DENND5B: variants seen among roughly 807,000 people sequenced by gnomAD.
DENND5B encodes the protein DENN domain containing 5B.
DENND5B carries 34 observed loss-of-function variants against 140.6 expected under a neutral mutation model. That is an observed-to-expected ratio of 0.24 (90% confidence interval 0.18 to 0.32). The LOEUF is 0.32. Ranked by LOEUF, DENND5B falls within the 10% of genes least tolerant of loss-of-function variation. The probability of loss-of-function intolerance (pLI) is 1.00; values close to 1 mark genes in which losing one functional copy is unlikely to be tolerated. For missense variants in DENND5B, 1,142 were observed against 1,560.2 expected (o/e 0.73, Z 4.52); for synonymous variants, 551 against 562.1 (o/e 0.98, Z 0.28).
intron 16 of DENND5B, among the ~76,000 whole-genome samples, chr12:31,398,939 T>C (rs1163060066): frequency 2.6e-5 from 4 of 151,532 alleles, no homozygotes; most frequent in East Asian, 3.9e-4. Context: ...CTGGCCAACA[T>C]AGCAAAACCC....
chr12:31,382,381 G>T lies in DENND5B; in HGVS notation c.*5222C>A, dbSNP rs1940671280. 6.6e-6 allele frequency: 1 copy of T among 151,670 alleles called. No homozygotes were observed. The highest frequency in any genetic ancestry group is 2.4e-5 in the African/African-American group (1 of 41,312). 9.4% of individuals were successfully genotyped at this position (151,670 alleles called of 1,614,324 possible). A position where few individuals can be genotyped will look rare whatever the true frequency, so the allele number is the denominator to read the frequency against. Reference sequence around the variant, plus strand: ...TTCAAATTTTATATTATGTTCAGATGAGAAAAAAAATCCAGTTCTGATGCA... The same window carrying T: ...TTCAAATTTTATATTATGTTCAGATTAGAAAAAAAATCCAGTTCTGATGCA... On this transcript the variant is annotated 3_prime_UTR_variant, in exon 21 of 21. Transcript: ENST00000389082.
intron 2 of DENND5B, among the ~76,000 whole-genome samples, chr12:31,492,708 A>C (rs1946579755): frequency 6.6e-6 from 1 of 152,156 alleles, no homozygotes; most frequent in Admixed American, 6.5e-5. Flanking sequence ...CTTTCTATTA[A>C]TTTGCTGCAT....
At chr12:31,583,822 G>A (rs943731411) in intron 1 of DENND5B, among the ~76,000 whole-genome samples, 1 of 152,166 alleles carries the variant, frequency 6.6e-6, no homozygotes, top group Non-Finnish European at 1.5e-5. Context: ...CACCACTTAC[G>A]TATGTACTCC....
At chr12:31,540,251 A>T (rs2139159317) in intron 1 of DENND5B, among the ~76,000 whole-genome samples, 1 of 152,316 alleles carries the variant, frequency 6.6e-6, no homozygotes, top group East Asian at 1.9e-4. Flanking sequence ...TTCCATATTC[A>T]TGGGTTGGAA....
At chr12:31,512,396 T>TAA (rs1236621640) in intron 1 of DENND5B, among the ~76,000 whole-genome samples, 4 of 151,548 alleles carry the variant, frequency 2.6e-5, no homozygotes, top group African/African-American at 9.7e-5. Context: ...TTTTTTTTTT[T>TAA]TTTTTTTTAA....
chr12:31,449,666 T>G (rs1316665187), intron 5 of DENND5B, among the ~76,000 whole-genome samples: 1 of 151,892 alleles, frequency 6.6e-6, no homozygotes, highest in Non-Finnish European at 1.5e-5. Flanking sequence ...GAAGGAAGTA[T>G]CAGGGCTTGA....
intron 1 of DENND5B, among the ~76,000 whole-genome samples, chr12:31,509,855 TGAAG>T (rs1947342654): frequency 6.6e-6 from 1 of 152,120 alleles, no homozygotes; most frequent in African/African-American, 2.4e-5. Flanking sequence ...TGAGCAAACT[TGAAG>T]GAGACAGAGA....
chr12:31,430,239 A>T (rs10771829), intron 8 of DENND5B, among the ~76,000 whole-genome samples: 137,395 of 148,748 alleles, frequency 0.92, 63,931 homozygotes, highest in East Asian at 0.99. Context: ...GCCAGGCTGG[A>T]CTCGAACTCT....
At chr12:31,475,351 A>T (rs201280580) in intron 3 of DENND5B, among the ~76,000 whole-genome samples, 2 of 95,342 alleles carry the variant, frequency 2.1e-5, no homozygotes, top group African/African-American at 7.8e-5. Context: ...ATTACAAAAA[A>T]ATAGAGTATA....
chr12:31,470,847 G>A (rs1385311930), intron 3 of DENND5B, among the ~76,000 whole-genome samples: 1 of 152,146 alleles, frequency 6.6e-6, no homozygotes, highest in East Asian at 1.9e-4. Context: ...TGGGAAGAGG[G>A]ACAATGAGAG....
chr12:31,433,174 A>C lies in DENND5B; in HGVS notation c.2087T>G (p.Leu696Arg). Residue 696 changes from leucine to arginine, a missense_variant, in exon 8 of 21, where the codon CTG becomes CGG. Around this residue, in one of 5 missense-constraint regions of DENND5B, gnomAD observed 708 missense variants for 905.5 expected, o/e 0.78. Coordinates refer to ENST00000389082, the MANE Select transcript of DENND5B (RefSeq NM_144973.4). ...ACATACCTCCCTCAAGTCGTTGTCC[A>C]GCCCAACATGCTCAGAATGCTGGCG... ...RLRQHSEHVGLDNDLREKYMQ... is the reference protein window; with the variant it reads ...RLRQHSEHVGRDNDLREKYMQ... 1 of 1,613,974 alleles carries C rather than the reference A, an allele frequency of 6.2e-7. No homozygotes were observed. Among genetic ancestry groups the C allele is most frequent in the Non-Finnish European group, 8.5e-7 (1 of 1,179,878 alleles).
At chr12:31,489,674 C>T (rs1946448862) in intron 2 of DENND5B, among the ~76,000 whole-genome samples, 1 of 152,104 alleles carries the variant, frequency 6.6e-6, no homozygotes, top group South Asian at 2.1e-4. Flanking sequence ...TCTCATGGTG[C>T]TTACATTAAG....
At chr12:31,406,759 A>C (rs1231421125) in intron 14 of DENND5B, among the ~76,000 whole-genome samples, 1 of 152,172 alleles carries the variant, frequency 6.6e-6, no homozygotes, top group Non-Finnish European at 1.5e-5. Context: ...GATGAAGAGA[A>C]ATCTACAGAT....
intron 4 of DENND5B, among the ~76,000 whole-genome samples, chr12:31,453,614 T>G (rs1191735318): frequency 6.6e-6 from 1 of 152,118 alleles, no homozygotes; most frequent in Non-Finnish European, 1.5e-5. Context: ...ACATAAGACA[T>G]GGGGTGGAAG....
intron 1 of DENND5B, among the ~76,000 whole-genome samples, chr12:31,501,773 C>CAA (rs10645598): frequency 0.43 from 50,518 of 118,488 alleles, 10,254 homozygotes; most frequent in Admixed American, 0.57. Context: ...AACTCCATCT[C>CAA]AAAAAAAAAA....
chr12:31,518,823 C>A (rs561921050), intron 1 of DENND5B, among the ~76,000 whole-genome samples: 1 of 152,188 alleles, frequency 6.6e-6, no homozygotes, highest in South Asian at 2.1e-4. Context: ...GTTTGACAGA[C>A]TCTAGCTGCA....
At chr12:31,499,779 C>A in intron 1 of DENND5B, 1 of 780,756 alleles carries the variant, frequency 1.3e-6, no homozygotes, top group Non-Finnish European at 1.8e-6. Context: ...CAAAAGCAAT[C>A]ACACAGGAGA....
At chr12:31,571,344 CATCTT>C (rs1465888714) in intron 1 of DENND5B, among the ~76,000 whole-genome samples, 3 of 152,066 alleles carry the variant, frequency 2.0e-5, no homozygotes, top group Admixed American at 2.0e-4. Flanking sequence ...CCTGTCTTCC[CATCTT>C]ATTTGTCACT....
At chr12:31,445,249 C>T (rs1230536196) in intron 6 of DENND5B, among the ~76,000 whole-genome samples, 9 of 152,184 alleles carry the variant, frequency 5.9e-5, no homozygotes, top group Non-Finnish European at 1.3e-4. Context: ...CTTGAATGAA[C>T]AGCTAACATG....
Sources: gnomAD v4.1 joint callset for allele counts (sites outside exome capture counted in the v4.1 genomes callset) on GRCh38, gnomAD v4.1.1 for gene constraint, gnomAD v4.1.1 regional missense constraint, MANE v1.5 for transcripts, NCBI Gene and HGNC (gene_info 2026-07-23, HGNC 2026-07-21) for gene names.